CNTN3: variants seen among roughly 807,000 people sequenced by gnomAD.
CNTN3 encodes contactin-3.
In CNTN3, 60 loss-of-function variants were observed where a neutral mutation model predicts 119.1. The observed-to-expected ratio is 0.50, with a 90% CI of 0.41 to 0.62. The LOEUF (loss-of-function observed/expected upper bound fraction) is 0.62. CNTN3 is among the 20% of genes least tolerant of loss of function. The pLI, the probability that CNTN3 is intolerant of heterozygous loss-of-function variation, is 0.00. For synonymous variants in CNTN3, 450 were observed against 438.7 expected, an observed-to-expected ratio of 1.03 and a Z score of -0.32; for missense variants, 1,101 against 1,242.4, an observed-to-expected ratio of 0.89 and a Z score of 1.71.
intron 11 of CNTN3, among the ~76,000 whole-genome samples, chr3:74,341,713 CTTTG>C (rs371173638): frequency 1.8e-4 from 28 of 152,118 alleles, no homozygotes; most frequent in South Asian, 6.2e-4. Flanking sequence ...TGTTAAAAAA[CTTTG>C]TTTGTTCATA....
At chr3:74,465,959 C>T (rs1284909333) in intron 4 of CNTN3, among the ~76,000 whole-genome samples, 3 of 152,116 alleles carry the variant, frequency 2.0e-5, no homozygotes, top group Non-Finnish European at 2.9e-5. Context: ...CTGAAGGCAC[C>T]GTTTGAACCC....
chr3:74,375,199 C>G (rs1704449788), intron 5 of CNTN3, among the ~76,000 whole-genome samples: 1 of 151,948 alleles, frequency 6.6e-6, no homozygotes, highest in South Asian at 2.1e-4. Flanking sequence ...TGACGAACAA[C>G]AAAGAAAAAC....
chr3:74,400,851 CAAGACTTT>C (rs1290118169), intron 5 of CNTN3, among the ~76,000 whole-genome samples: 1 of 152,106 alleles, frequency 6.6e-6, no homozygotes, highest in Non-Finnish European at 1.5e-5. Context: ...GCAATAACTA[CAAGACTTT>C]AAGGATTGAT....
At chr3:74,359,285 A>G (rs1704023378) in intron 11 of CNTN3, among the ~76,000 whole-genome samples, 1 of 152,192 alleles carries the variant, frequency 6.6e-6, no homozygotes, top group Non-Finnish European at 1.5e-5. Flanking sequence ...TATTTATAAC[A>G]TGATCTCATT....
At chr3:74,524,365 T>C (rs928948243) in intron 1 of CNTN3, among the ~76,000 whole-genome samples, 1 of 151,872 alleles carries the variant, frequency 6.6e-6, no homozygotes, top group African/African-American at 2.4e-5. Flanking sequence ...TTATCAACTA[T>C]TGCGAGTGAC....
chr3:74,549,311 T>C (rs1288568395), intron 1 of CNTN3, among the ~76,000 whole-genome samples: 3 of 152,164 alleles, frequency 2.0e-5, no homozygotes, highest in Non-Finnish European at 4.4e-5. Context: ...CGATTGTAAG[T>C]TTCCTGAGGC....
chr3:74,554,810 G>A (rs1044914562), intron 1 of CNTN3, among the ~76,000 whole-genome samples: 1 of 152,162 alleles, frequency 6.6e-6, no homozygotes, highest in Non-Finnish European at 1.5e-5. Context: ...AGAAGATTTT[G>A]GGCTGAGACG....
intron 20 of CNTN3, among the ~76,000 whole-genome samples, chr3:74,280,489 A>G (rs936636839): frequency 2.0e-5 from 3 of 152,232 alleles, no homozygotes; most frequent in African/African-American, 7.2e-5. Context: ...TGAGAAGCCT[A>G]CTTAGCTCTG....
Position 74,495,169 on chromosome 3 carries a change from C to T in CNTN3, c.182+4490G>A, listed in dbSNP as rs1466472588. Among the ~76,000 whole-genome samples, 9 of 152,014 alleles carry T rather than the reference C, an allele frequency of 5.9e-5. No individual in the cohort carries two copies. The East Asian group carries it at 1.5e-3, about 26-fold the overall frequency. On this transcript the variant is annotated intron_variant, in intron 3 of 22. Transcript: ENST00000263665. ...AGCCAGGATGTGGAAAGGAGTTGAACTTGAGCATGAACACAGAGATCTGGA... is the reference window on the plus strand; with the variant it reads ...AGCCAGGATGTGGAAAGGAGTTGAATTTGAGCATGAACACAGAGATCTGGA...
At chr3:74,266,723 G>A in intron 21 of CNTN3, 74 bp from the exon 22 acceptor site, 1 of 1,356,690 alleles carries the variant, frequency 7.4e-7, no homozygotes, top group Non-Finnish European at 1.0e-6. Context: ...TTGTCTCTCT[G>A]AAATTAACTA....
intron 3 of CNTN3, among the ~76,000 whole-genome samples, chr3:74,488,847 C>T (rs1216091087): frequency 6.6e-6 from 1 of 152,150 alleles, no homozygotes; most frequent in Non-Finnish European, 1.5e-5. Flanking sequence ...ACATCTTTTT[C>T]ATTTACGGCA....
At chr3:74,492,919 C>A (rs1029448307) in intron 3 of CNTN3, among the ~76,000 whole-genome samples, 1 of 151,938 alleles carries the variant, frequency 6.6e-6, no homozygotes, top group Non-Finnish European at 1.5e-5. Flanking sequence ...GAATTTCTAC[C>A]ATCAGGCATC....
intron 13 of CNTN3, among the ~76,000 whole-genome samples, chr3:74,320,412 G>A (rs147836676): frequency 0.023 from 3,445 of 151,956 alleles, 130 homozygotes; most frequent in African/African-American, 0.075. Context: ...GCAAACTATC[G>A]CAAGGACAAA....
intron 5 of CNTN3, among the ~76,000 whole-genome samples, chr3:74,413,578 C>T (rs1449118943): frequency 1.3e-5 from 2 of 152,140 alleles, no homozygotes; most frequent in Non-Finnish European, 1.5e-5. Flanking sequence ...GTAATTGATG[C>T]TGTTTAGAGA....
At chr3:74,341,538 CTTTT>C (rs1703547069) in intron 11 of CNTN3, among the ~76,000 whole-genome samples, 1 of 152,038 alleles carries the variant, frequency 6.6e-6, no homozygotes, top group Admixed American at 6.5e-5. Context: ...TTATAATATA[CTTTT>C]ATTTGTACCT....
chr3:74,296,229 C>T (rs1702335945), intron 18 of CNTN3, among the ~76,000 whole-genome samples: 1 of 152,136 alleles, frequency 6.6e-6, no homozygotes, highest in South Asian at 2.1e-4. Flanking sequence ...TTAGCTAACT[C>T]TGCAGCAGGA....
At chr3:74,417,393 A>G (rs1701541227) in intron 5 of CNTN3, among the ~76,000 whole-genome samples, 1 of 152,026 alleles carries the variant, frequency 6.6e-6, no homozygotes, top group Admixed American at 6.5e-5. Context: ...TTTTTCTCTT[A>G]TTTAATATCA....
At chr3:74,516,059 G>C (rs1703445514) in intron 2 of CNTN3, among the ~76,000 whole-genome samples, 1 of 151,892 alleles carries the variant, frequency 6.6e-6, no homozygotes, top group African/African-American at 2.4e-5. Context: ...ACACCATACA[G>C]ATGAAAGGCT....
chr3:74,597,228 A>G (rs1265958221), intron 1 of CNTN3, among the ~76,000 whole-genome samples: 1 of 152,210 alleles, frequency 6.6e-6, no homozygotes, highest in South Asian at 2.1e-4. Flanking sequence ...ATCATCTTTT[A>G]TAACTATTTC....
Sources: gnomAD v4.1 joint callset for allele counts (sites outside exome capture counted in the v4.1 genomes callset) on GRCh38, gnomAD v4.1.1 for gene constraint, MANE v1.5 for transcripts, NCBI Gene and HGNC (gene_info 2026-07-23, HGNC 2026-07-21) for gene names.